XPO6: variants seen among roughly 807,000 people sequenced by gnomAD.
XPO6 encodes exportin-6.
A neutral mutation model predicts 130.0 loss-of-function variants in XPO6; 3 were observed. The observed-to-expected ratio is 0.02, with a 90% confidence interval of 0.01 to 0.06. The LOEUF is 0.06. Ranked by LOEUF, XPO6 falls within the 10% of genes least tolerant of loss-of-function variation. XPO6 has a pLI of 1.00. For missense variants in XPO6, 970 were observed against 1,393.0 expected, an observed-to-expected ratio of 0.70 and a Z score of 4.83; for synonymous variants, 524 against 548.9, an observed-to-expected ratio of 0.95 and a Z score of 0.63.
chr16:28,175,579 C>T (rs571247961), intron 4 of XPO6, among the ~76,000 whole-genome samples: 1 of 152,264 alleles, frequency 6.6e-6, no homozygotes, highest in East Asian at 1.9e-4. Flanking sequence ...CTATTTCCCC[C>T]ACTAAACGCC....
chr16:28,114,380 A>G (rs986368217), intron 15 of XPO6, among the ~76,000 whole-genome samples: 1 of 152,222 alleles, frequency 6.6e-6, no homozygotes, highest in Non-Finnish European at 1.5e-5. Flanking sequence ...GGCATACCTC[A>G]GAGATACTGC....
intron 4 of XPO6, 91 bp from the exon 5 acceptor site, chr16:28,170,000 G>A: frequency 6.7e-7 from 1 of 1,491,032 alleles, no homozygotes; most frequent in Middle Eastern, 1.9e-4. Flanking sequence ...GCATCTGTGT[G>A]TGTTTAATCT....
At chr16:28,109,233 T>G (rs1006534611) in intron 17 of XPO6, among the ~76,000 whole-genome samples, 1 of 151,622 alleles carries the variant, frequency 6.6e-6, no homozygotes, top group Non-Finnish European at 1.5e-5. Context: ...AATAGGAGAA[T>G]GGGGTGGGTA....
intron 1 of XPO6, among the ~76,000 whole-genome samples, chr16:28,204,494 G>A (rs925365668): frequency 1.3e-5 from 2 of 152,052 alleles, no homozygotes; most frequent in Non-Finnish European, 2.9e-5. Context: ...AGAGCAGTAA[G>A]AAGACCGAGG....
At chr16:28,175,112 G>A (rs2043512894) in intron 4 of XPO6, among the ~76,000 whole-genome samples, 2 of 151,884 alleles carry the variant, frequency 1.3e-5, no homozygotes, top group Admixed American at 1.3e-4. Context: ...AAATCTATCT[G>A]AGCCAGAAAA....
intron 13 of XPO6, among the ~76,000 whole-genome samples, chr16:28,122,085 G>A (rs1406115203): frequency 6.6e-6 from 1 of 152,008 alleles, no homozygotes; most frequent in Non-Finnish European, 1.5e-5. Context: ...AAATATTCAG[G>A]ATGTTTTAAA....
rs2086652644 is a variant in XPO6, at chr16:28,101,356, A to T, written c.3276+102T>A. ...CCGCCAAGCTGCAGGGTGGGCACAG[A>T]CCACGCCCAGAGGCCTCAATGTGCC... On this transcript the variant is annotated intron_variant, in intron 23 of 23. Transcript: ENST00000304658. This position sits in a 1 kb window ranked among gnomAD's most constrained non-coding sequence, Gnocchi z 5.4. 9.6e-7 allele frequency: 1 copy of T among 1,036,672 alleles called. No homozygotes were observed. The highest frequency in any genetic ancestry group is 1.6e-5 in the African/African-American group (1 of 63,298). The allele number at this position is 1,036,672 out of a possible 1,614,324, so 64.2% of individuals were successfully genotyped here.
chr16:28,184,802 A>C (rs2043669502), intron 1 of XPO6, among the ~76,000 whole-genome samples: 1 of 152,212 alleles, frequency 6.6e-6, no homozygotes, highest in Non-Finnish European at 1.5e-5. Flanking sequence ...GTTGATGAGG[A>C]GGCTGAGCAA....
rs1448605145 is a variant in XPO6, at chr16:28,113,465, A to C, written c.2005-415T>G. ...TCTTCTGTGCCTTAACACTCAGGCC[A>C]GTCTCTCCTACTGCTTTCCCTTCAG... is the stretch of plus-strand genomic sequence containing the variant. On this transcript the variant is annotated intron_variant, in intron 15 of 23. Coordinates refer to ENST00000304658, the MANE Select transcript of XPO6 (RefSeq NM_015171.4). 3.3e-5 allele frequency among the ~76,000 whole-genome samples: 5 copies of C among 152,224 alleles called. No individual in the cohort carries two copies. In the East Asian group the frequency reaches 5.8e-4, roughly 18 times the overall value.
chr16:28,152,733 T>C lies in XPO6; in HGVS notation c.1150A>G (p.Arg384Gly), dbSNP rs2043117278. 24 of 1,613,714 alleles carry C rather than the reference T, an allele frequency of 1.5e-5. No individual in the cohort carries two copies. Among genetic ancestry groups the C allele is most frequent in the Non-Finnish European group, 2.0e-5 (24 of 1,179,866 alleles). The change falls in exon 8 of 24, where the codon AGA (arginine) becomes GGA (glycine). Residue 384 changes from arginine (R) to glycine (G), a missense_variant. Transcript: ENST00000304658. ...FLRLFVSVHL[R>G]RIESYSQFPV... is the part of the protein sequence containing the mutation. ...AACTGGGAGTAAGACTCGATTCTTC[T>C]TAGGTGAACACTCACAAAGAGCCGA...
intron 9 of XPO6, among the ~76,000 whole-genome samples, chr16:28,139,411 A>G (rs1457359991): frequency 6.6e-6 from 1 of 152,242 alleles, no homozygotes; most frequent in African/African-American, 2.4e-5. Flanking sequence ...TGGTAGCCCA[A>G]TCTAACTAAT....
chr16:28,182,357 C>CAA (rs1205921926), intron 1 of XPO6, among the ~76,000 whole-genome samples: 1 of 152,136 alleles, frequency 6.6e-6, no homozygotes, highest in Non-Finnish European at 1.5e-5. Context: ...GAGGCTGAAT[C>CAA]AGACTTGATT....
intron 12 of XPO6, among the ~76,000 whole-genome samples, chr16:28,127,682 C>T (rs1482290754): frequency 1.3e-5 from 2 of 152,206 alleles, no homozygotes; most frequent in African/African-American, 2.4e-5. Context: ...CTCGATCCGC[C>T]ACCAACGTCA....
intron 1 of XPO6, among the ~76,000 whole-genome samples, chr16:28,182,179 A>C (rs1293131306): frequency 6.6e-6 from 1 of 152,148 alleles, no homozygotes; most frequent in Non-Finnish European, 1.5e-5. Context: ...CCATGGACTG[A>C]GACCTGACTA....
At chr16:28,110,385 G>A (rs2086889528) in intron 17 of XPO6, among the ~76,000 whole-genome samples, 1 of 152,204 alleles carries the variant, frequency 6.6e-6, no homozygotes, top group African/African-American at 2.4e-5. Flanking sequence ...GAACCACTAC[G>A]CAATTCACCA....
intron 17 of XPO6, among the ~76,000 whole-genome samples, chr16:28,110,916 C>T (rs1329581873): frequency 6.6e-6 from 1 of 152,194 alleles, no homozygotes; most frequent in Non-Finnish European, 1.5e-5. Flanking sequence ...CTCAATATGT[C>T]AGCTACTCTC....
intron 6 of XPO6, among the ~76,000 whole-genome samples, chr16:28,157,623 C>G (rs2043204190): frequency 6.6e-6 from 1 of 152,162 alleles, no homozygotes. Context: ...GTAAACACAA[C>G]AACCCCAGTA....
chr16:28,123,674 C>T (rs1476205453), intron 13 of XPO6, among the ~76,000 whole-genome samples: 1 of 152,146 alleles, frequency 6.6e-6, no homozygotes, highest in Non-Finnish European at 1.5e-5. Context: ...TTCCCAAAGT[C>T]CCACGAAGTC....
intron 1 of XPO6, among the ~76,000 whole-genome samples, chr16:28,187,708 T>C (rs1348552526): frequency 6.7e-6 from 1 of 148,928 alleles, no homozygotes; most frequent in Non-Finnish European, 1.5e-5. Context: ...TTTTCTACAA[T>C]ATCTACCATG....
Sources: gnomAD v4.1 joint callset for allele counts (sites outside exome capture counted in the v4.1 genomes callset) on GRCh38, gnomAD v4.1.1 for gene constraint, Gnocchi (gnomAD v3.1) non-coding constraint, MANE v1.5 for transcripts, NCBI Gene and HGNC (gene_info 2026-07-23, HGNC 2026-07-21) for gene names.